The following C10orf90 variants were observed in gnomAD, a reference collection of about 807,000 sequenced individuals.
C10orf90 encodes the protein (E2-independent) E3 ubiquitin-conjugating enzyme FATS.
Under a neutral mutation model 62.5 loss-of-function variants are expected in C10orf90, and 56 were observed. The ratio of observed to expected loss-of-function variants is 0.90; its 90% CI spans 0.72 to 1.12. C10orf90 has a LOEUF of 1.12. C10orf90 is among the 50% of genes most tolerant of loss of function. The pLI, the probability that C10orf90 is intolerant of heterozygous loss-of-function variation, is 0.00. For synonymous variants in C10orf90, 386 were observed against 340.4 expected (o/e 1.13, Z -1.47); for missense variants, 970 against 880.4 (o/e 1.10, Z -1.29).
intron 2 of C10orf90, among the ~76,000 whole-genome samples, chr10:126,610,477 C>T (rs1202016208): frequency 1.3e-5 from 2 of 152,208 alleles, no homozygotes; most frequent in East Asian, 1.9e-4. Context: ...AGTGTGTTCT[C>T]TGTCTCCTTC....
At chr10:126,611,026 T>C (rs1329393980) in intron 2 of C10orf90, among the ~76,000 whole-genome samples, 1 of 152,230 alleles carries the variant, frequency 6.6e-6, no homozygotes, top group East Asian at 1.9e-4. Context: ...ATTTGAAGTG[T>C]ATAAATCAAT....
chr10:126,605,550 G>C (rs1217977649), intron 2 of C10orf90, among the ~76,000 whole-genome samples: 1 of 152,220 alleles, frequency 6.6e-6, no homozygotes, highest in African/African-American at 2.4e-5. Context: ...TCCAGGAGAG[G>C]AGAAAAGATG....
intron 2 of C10orf90, among the ~76,000 whole-genome samples, chr10:126,642,740 C>G (rs1258121001): frequency 3.3e-5 from 5 of 152,120 alleles, no homozygotes; most frequent in Non-Finnish European, 5.9e-5. Context: ...ACAACCCTGA[C>G]CTGTCTCTTG....
At chr10:126,451,956 G>A (rs964091352) in intron 7 of C10orf90, among the ~76,000 whole-genome samples, 1 of 151,984 alleles carries the variant, frequency 6.6e-6, no homozygotes. Context: ...CTGGTCAAAG[G>A]GTACAAAGTT....
At chr10:126,589,319 C>A (rs1334233679) in intron 2 of C10orf90, among the ~76,000 whole-genome samples, 2 of 152,112 alleles carry the variant, frequency 1.3e-5, no homozygotes, top group Non-Finnish European at 2.9e-5. Flanking sequence ...CCCAAGCCAG[C>A]AAGACAGGCC....
At position 126,462,269 on chromosome 10, in the gene C10orf90, C is replaced by A. The variant is rs888055549; in HGVS notation, c.1826-684G>T. Among the ~76,000 whole-genome samples the A allele has an allele frequency of 1.1e-4, 16 of 152,106 alleles. 1 individual carries two copies. The highest frequency in any genetic ancestry group is 1.0e-3 in the Admixed American group (16 of 15,272). ...TCACTCTGTCCTTAGCTCACCCCTC[C>A]CATATGAGCCCCACTACTTGCCTCA... On this transcript the variant is annotated intron_variant, in intron 5 of 9. Transcript: ENST00000488181.
In C10orf90 at chr10:126,523,056, CAT is replaced by C. The variant is rs777130396; in HGVS notation, c.314-9119_314-9118del. 9 of 152,358 alleles carry C rather than the reference CAT, an allele frequency of 5.9e-5. No individual in the cohort carries two copies. In the East Asian group the frequency reaches 1.5e-3, roughly 26 times the overall value. The allele number at this position is 152,358 out of a possible 1,614,324, so 9.4% of individuals were successfully genotyped here. ...GTGTGTTATTAGATACAGTTTTACA[CAT>C]AGTTTCCATCTCTCTCAGAAAATTA... On this transcript the variant is annotated intron_variant, in intron 2 of 9. Coordinates refer to ENST00000488181, the MANE Select transcript of C10orf90 (RefSeq NM_001350921.2).
intron 4 of C10orf90, among the ~76,000 whole-genome samples, chr10:126,469,396 C>T (rs573492564): frequency 6.6e-6 from 1 of 152,258 alleles, no homozygotes; most frequent in African/African-American, 2.4e-5. Flanking sequence ...TTCAACCAAC[C>T]ACTCAACCAA....
At chr10:126,660,460 C>A (rs1846486760) in intron 1 of C10orf90, among the ~76,000 whole-genome samples, 1 of 152,202 alleles carries the variant, frequency 6.6e-6, no homozygotes, top group Admixed American at 6.5e-5. Flanking sequence ...GGACCTGAAG[C>A]AGTCCTCTAA....
At chr10:126,484,122 A>G (rs2133812522) in intron 4 of C10orf90, among the ~76,000 whole-genome samples, 1 of 152,144 alleles carries the variant, frequency 6.6e-6, no homozygotes, top group African/African-American at 2.4e-5. Flanking sequence ...CCTTCTCTTC[A>G]CTGTATCATA....
chr10:126,512,533 C>T (rs1390655380), intron 3 of C10orf90, among the ~76,000 whole-genome samples: 1 of 151,998 alleles, frequency 6.6e-6, no homozygotes, highest in Non-Finnish European at 1.5e-5. Flanking sequence ...AATTTGCCAG[C>T]TCGGTGTGAA....
chr10:126,654,727 T>C (rs1304153120), intron 1 of C10orf90, among the ~76,000 whole-genome samples: 1 of 152,246 alleles, frequency 6.6e-6, no homozygotes, highest in Admixed American at 6.5e-5. Flanking sequence ...CATGTCTTCC[T>C]CACTAAGCTT....
intron 7 of C10orf90, among the ~76,000 whole-genome samples, chr10:126,452,070 T>C (rs1859236729): frequency 6.6e-6 from 1 of 152,160 alleles, no homozygotes; most frequent in African/African-American, 2.4e-5. Context: ...GGAGTAGTAT[T>C]AATACATCTT....
intron 4 of C10orf90, among the ~76,000 whole-genome samples, chr10:126,481,567 T>C (rs578209868): frequency 6.6e-6 from 1 of 152,346 alleles, no homozygotes; most frequent in South Asian, 2.1e-4. Context: ...CTCTGGCCCT[T>C]TGTTTTTCTT....
rs1253497960 is a variant in C10orf90 at position 126,670,361 on chromosome 10, A to G, written c.120T>C (p.His40=). 5 of 456,636 alleles carry G rather than the reference A, an allele frequency of 1.1e-5. No homozygotes were observed. Among genetic ancestry groups the G allele is most frequent in the Non-Finnish European group, 2.2e-5 (5 of 226,958 alleles). The allele number at this position is 456,636 out of a possible 1,614,324, so 28.3% of individuals were successfully genotyped here. ...IKTFSTELKN[H]VMVMDFVKSN... is the part of the protein sequence containing the mutation. ...TCTTCACAAAATCCATGACCATCAC[A>G]TGGTTTTTCAACTCTGTACTAAATG... The change falls in exon 1 of 10, where the codon CAT becomes CAC. Residue 40 remains histidine, a synonymous_variant. Transcript: ENST00000488181.
At chr10:126,595,932 T>G (rs1845075534) in intron 2 of C10orf90, among the ~76,000 whole-genome samples, 1 of 152,036 alleles carries the variant, frequency 6.6e-6, no homozygotes, top group Admixed American at 6.6e-5. Flanking sequence ...CCTCAGCCTG[T>G]ACCTCACACC....
At chr10:126,436,139 G>A (rs1164091638) in intron 7 of C10orf90, among the ~76,000 whole-genome samples, 2 of 152,094 alleles carry the variant, frequency 1.3e-5, no homozygotes, top group East Asian at 1.9e-4. Context: ...GTACCCCAAT[G>A]TTGACAGGAT....
intron 2 of C10orf90, among the ~76,000 whole-genome samples, chr10:126,592,989 C>A (rs930741911): frequency 6.6e-6 from 1 of 152,134 alleles, no homozygotes; most frequent in African/African-American, 2.4e-5. Flanking sequence ...CAATAAGATA[C>A]CATGTCATGC....
chr10:126,647,050 C>G (rs1252111783), intron 1 of C10orf90, among the ~76,000 whole-genome samples: 1 of 152,144 alleles, frequency 6.6e-6, no homozygotes, highest in Non-Finnish European at 1.5e-5. Context: ...CATTCAATTT[C>G]AGGCGTTTAG....
Sources: gnomAD v4.1 joint callset for allele counts (sites outside exome capture counted in the v4.1 genomes callset) on GRCh38, gnomAD v4.1.1 for gene constraint, MANE v1.5 for transcripts, NCBI Gene and HGNC (gene_info 2026-07-23, HGNC 2026-07-21) for gene names.